BAHCC1: variants seen among roughly 807,000 people sequenced by gnomAD.
BAHCC1 encodes the protein BAH and coiled-coil domain-containing protein 1.
In BAHCC1, 43 loss-of-function variants were observed where a neutral mutation model predicts 88.2. The ratio of observed to expected loss-of-function variants is 0.49; its 90% CI spans 0.38 to 0.63. The LOEUF is 0.63. Among genes scored for constraint, BAHCC1 ranks in the 20% least tolerant of loss-of-function variants. The probability of loss-of-function intolerance (pLI) is 0.00; values close to 1 mark genes in which losing one functional copy is unlikely to be tolerated. For synonymous variants in BAHCC1, 1,510 were observed against 745.5 expected (o/e 2.03, Z -16.71); for missense variants, 3,023 against 1,654.8 (o/e 1.83, Z -14.34).
intron 3 of BAHCC1, among the ~76,000 whole-genome samples, chr17:81,436,742 G>A (rs1411840235): frequency 2.6e-5 from 4 of 152,212 alleles, no homozygotes; most frequent in African/African-American, 9.7e-5. Flanking sequence ...CGTGTCCTCA[G>A]CTGGAGGGCA....
At chr17:81,406,018 G>A (rs2074957158) in intron 2 of BAHCC1, among the ~76,000 whole-genome samples, 1 of 152,218 alleles carries the variant, frequency 6.6e-6, no homozygotes, top group Non-Finnish European at 1.5e-5. Flanking sequence ...TGCCTAGGGA[G>A]TCCCTCGAGA....
At position 81,462,968 on chromosome 17, in the gene BAHCC1, G is replaced by C. The variant is rs368602137; in HGVS notation, c.7612G>C (p.Asp2538His). ...EETKLGKRQC[D>H]GKNALYQSCH... ...GACCAAGCTGGGCAAGAGGCAGTGC[G>C]ACGGCAAGGTGAGGCCCGGACAGGT... Residue 2538 changes from aspartate to histidine, a missense_variant, in exon 27 of 28, where the codon GAC (aspartate) becomes CAC (histidine). Transcript: ENST00000675386. 5.1e-6 allele frequency: 4 copies of C among 780,520 alleles called. No individual in the cohort carries two copies. The highest frequency in any genetic ancestry group is 1.3e-5 in the South Asian group (1 of 74,616). 48.3% of individuals were successfully genotyped at this position (780,520 alleles called of 1,614,324 possible).
intron 4 of BAHCC1, among the ~76,000 whole-genome samples, chr17:81,440,894 G>A (rs1340120246): frequency 6.6e-6 from 1 of 152,212 alleles, no homozygotes; most frequent in Non-Finnish European, 1.5e-5. Flanking sequence ...GGAGCTCCCA[G>A]GGTGTCCAGC....
intron 2 of BAHCC1, among the ~76,000 whole-genome samples, chr17:81,404,108 CAG>C (rs1555646515): frequency 1.3e-5 from 2 of 152,202 alleles, no homozygotes; most frequent in African/African-American, 4.8e-5. Flanking sequence ...CCCTGTGAGA[CAG>C]GGTTCAACAG....
At chr17:81,446,266 T>G (rs2034196977) in intron 10 of BAHCC1, among the ~76,000 whole-genome samples, 1 of 152,206 alleles carries the variant, frequency 6.6e-6, no homozygotes, top group African/African-American at 2.4e-5. Context: ...TTTTCCGTTT[T>G]TTTCCCTTCG....
Position 81,458,147 on chromosome 17 carries a change from C to T in BAHCC1, c.5042-18C>T, listed in dbSNP as rs1325798945. On this transcript the variant is annotated intron_variant, in intron 17 of 27. Transcript: ENST00000675386. The stretch of plus-strand genomic sequence containing the variant: ...CTAGGATGGGGACCCCTGTGACGGC[C>T]TCCTCTCCTTCCCACAGGGGCCTGC... 5.6e-6 allele frequency: 4 copies of T among 716,132 alleles called. No homozygotes were observed. In the East Asian group the frequency reaches 8.0e-5, roughly 14 times the overall value. The allele number at this position is 716,132 out of a possible 1,614,324, so 44.4% of individuals were successfully genotyped here. A position where few individuals can be genotyped will look rare whatever the true frequency, so the allele number is the denominator to read the frequency against.
intron 2 of BAHCC1, chr17:81,413,001 A>C (rs1173144887): frequency 1.0e-5 from 3 of 298,308 alleles, no homozygotes; most frequent in African/African-American, 6.8e-5. Context: ...TTGCGGGGGC[A>C]GTGGGTGGGT....
chr17:81,444,487 C>T lies in BAHCC1; in HGVS notation c.2431C>T (p.Pro811Ser), dbSNP rs782748795. 1.4e-6 allele frequency: 1 copy of T among 708,926 alleles called. No individual in the cohort carries two copies. Among genetic ancestry groups the T allele is most frequent in the Non-Finnish European group, 2.6e-6 (1 of 384,022 alleles). 43.9% of individuals were successfully genotyped at this position (708,926 alleles called of 1,614,324 possible). Residue 811 changes from proline to serine, a missense_variant, in exon 7 of 28, where the codon CCA becomes TCA. Pro to Ser is a moderately conservative substitution (Grantham distance 74). Transcript: ENST00000675386. ...GCAGAGCGGCCAGCTGGGCGGGGAC[C>T]CAGCCCCCCACACCCACCCCCATCC... ...MMQSGQLGGD[P>S]APHTHPHPPW...
chr17:81,408,976 G>T (rs1443325929), intron 2 of BAHCC1, among the ~76,000 whole-genome samples: 2 of 152,248 alleles, frequency 1.3e-5, no homozygotes, highest in Non-Finnish European at 2.9e-5. Context: ...AGGCACGCGT[G>T]TGTGGGTGTG....
Position 81,449,700 on chromosome 17 carries a change from C to T in BAHCC1, c.3976+1852C>T, listed in dbSNP as rs939141759. On this transcript the variant is annotated intron_variant, in intron 11 of 27. Coordinates refer to ENST00000675386, the MANE Select transcript of BAHCC1 (RefSeq NM_001377448.1). The stretch of plus-strand genomic sequence containing the variant: ...CACCCCCCCTCGGCCCTCTCTCCCC[C>T]TCCCATTCCCTGCGGATCCTGGACC... 3.3e-5 allele frequency among the ~76,000 whole-genome samples: 5 copies of T among 151,972 alleles called. 1 individual carries two copies.
In BAHCC1 at chr17:81,459,614, A is replaced by C. The variant is rs1555658578; in HGVS notation, c.5905+10A>C. 1.3e-6 allele frequency: 1 copy of C among 779,396 alleles called. No homozygotes were observed. Among genetic ancestry groups the C allele is most frequent in the Middle Eastern group, 2.3e-4 (1 of 4,442 alleles). 48.3% of individuals were successfully genotyped at this position (779,396 alleles called of 1,614,324 possible). On this transcript the variant is annotated intron_variant, in intron 23 of 27. Coordinates refer to ENST00000675386, the MANE Select transcript of BAHCC1 (RefSeq NM_001377448.1). ...GGCAACGTGGTCCGGGGTAAGTTGC[A>C]CCCAAAGCGGGGGCTGGGGCAGGCC... is the stretch of plus-strand genomic sequence containing the variant.
At chr17:81,395,944 T>C (rs1276091885) in intron 1 of BAHCC1, 1 of 152,200 alleles carries the variant, frequency 6.6e-6, no homozygotes, top group Non-Finnish European at 1.5e-5. Flanking sequence ...ACACCCAGCA[T>C]TAAAAACAAA....
At position 81,461,342 on chromosome 17, in the gene BAHCC1, C is replaced by T. The variant is rs1420952445; in HGVS notation, c.6679C>T (p.Leu2227Phe). The change falls in exon 26 of 28, where the codon CTC becomes TTC. Residue 2227 changes from leucine to phenylalanine, a missense_variant. Physicochemically the swap from Leu to Phe is conservative, Grantham distance 22. Transcript: ENST00000675386. ...CAAGAACAAGACCTGCAAGGCGTTG[C>T]TCATGGGGGACAAGGACTTCAGCCC... ...SPKNKTCKAL[L>F]MGDKDFSPKL... 5 of 733,088 alleles carry T rather than the reference C, an allele frequency of 6.8e-6. No homozygotes were observed. The highest frequency in any genetic ancestry group is 1.3e-5 in the Non-Finnish European group (5 of 397,302). The allele number at this position is 733,088 out of a possible 1,614,324, so 45.4% of individuals were successfully genotyped here.
Position 81,459,280 on chromosome 17 carries a change from G to A in BAHCC1, c.5748G>A (p.Arg1916=), listed in dbSNP as rs782411558. The A allele has an allele frequency of 2.6e-6, 2 of 779,416 alleles. No individual in the cohort carries two copies. Among genetic ancestry groups the A allele is most frequent in the African/African-American group, 3.4e-5 (2 of 59,148 alleles). The allele number at this position is 779,416 out of a possible 1,614,324, so 48.3% of individuals were successfully genotyped here. ...DIYSIVIEGE[R]GNRQRIYSLE... is the part of the protein sequence containing the mutation. ...ATAGCATCGTCATCGAGGGCGAGAG[G>A]GGCAACCGGCAGAGGATCTACTCAC... is the stretch of plus-strand genomic sequence containing the variant. The change falls in exon 22 of 28, where the codon AGG becomes AGA. Residue 1916 remains arginine (R), a synonymous_variant. Transcript: ENST00000675386.
chr17:81,418,816 T>C (rs1258308475), intron 2 of BAHCC1, among the ~76,000 whole-genome samples: 1 of 151,492 alleles, frequency 6.6e-6, no homozygotes, highest in Non-Finnish European at 1.5e-5. Context: ...TGTACGTGTG[T>C]GTGTGTGTGT....
At chr17:81,407,355 G>T in intron 2 of BAHCC1, 1 of 520,082 alleles carries the variant, frequency 1.9e-6, no homozygotes. Context: ...AAACCAGCCT[G>T]CTGGCGTCTT....
At chr17:81,404,716 T>C (rs1448818985) in intron 2 of BAHCC1, among the ~76,000 whole-genome samples, 1 of 152,246 alleles carries the variant, frequency 6.6e-6, no homozygotes, top group African/African-American at 2.4e-5. Flanking sequence ...AACTTACATA[T>C]GTCATCAGAG....
At chr17:81,454,143 G>T (rs942931896) in intron 14 of BAHCC1, among the ~76,000 whole-genome samples, 3 of 152,240 alleles carry the variant, frequency 2.0e-5, no homozygotes, top group African/African-American at 7.2e-5. Context: ...GCCAAGAACA[G>T]GCAGAGAGAC....
chr17:81,424,470 T>TACCCAGC (rs1555649993), intron 2 of BAHCC1, among the ~76,000 whole-genome samples: 1 of 152,222 alleles, frequency 6.6e-6, no homozygotes. Context: ...TTGGGCACAG[T>TACCCAGC]ACCCAGCACC....
Sources: allele counts gnomAD v4.1 joint callset (sites outside exome capture counted in the v4.1 genomes callset), GRCh38; gene constraint gnomAD v4.1.1; transcripts MANE v1.5; gene names NCBI Gene and HGNC (gene_info 2026-07-23, HGNC 2026-07-21).